Variants in LRRC61 observed in about 807,000 individuals in gnomAD.
LRRC61 encodes leucine rich repeat containing 61, also known as leucine-rich repeat-containing protein 61.
LRRC61 carries 9 observed loss-of-function variants against 15.1 expected under a neutral mutation model. The observed-to-expected ratio is 0.60, with a 90% CI of 0.36 to 1.04. The LOEUF (loss-of-function observed/expected upper bound fraction) is 1.04, where lower values mean the gene tolerates loss of function less well. LRRC61 is among the 50% of genes least tolerant of loss of function. The pLI, the probability that LRRC61 is intolerant of heterozygous loss-of-function variation, is 0.01. For missense variants in LRRC61, 344 were observed against 335.6 expected (o/e 1.03, Z -0.20); for synonymous variants, 173 against 158.6 (o/e 1.09, Z -0.68).
intron 2 of LRRC61, among the ~76,000 whole-genome samples, chr7:150,329,274 G>A (rs1424270053): frequency 1.3e-5 from 2 of 152,248 alleles, no homozygotes; most frequent in African/African-American, 4.8e-5. Flanking sequence ...AGTAAAGAGT[G>A]AGGGACCGAG....
At chr7:150,334,792 G>A (rs1798234112) in intron 2 of LRRC61, among the ~76,000 whole-genome samples, 1 of 152,152 alleles carries the variant, frequency 6.6e-6, no homozygotes, top group African/African-American at 2.4e-5. Flanking sequence ...CCGAGGCAGG[G>A]GGCATCACCT....
chr7:150,337,771 C>A lies in LRRC61; in HGVS notation c.*130C>A. ...TGCACACTGGGCTATTGCTTTATCCCTATCCTGAGAGCAGCCCCTCCCCAC... is the reference window on the plus strand; with the variant it reads ...TGCACACTGGGCTATTGCTTTATCCATATCCTGAGAGCAGCCCCTCCCCAC... On this transcript the variant is annotated 3_prime_UTR_variant, in exon 3 of 3. Coordinates refer to ENST00000359623, the MANE Select transcript of LRRC61 (RefSeq NM_001142928.2). 1.0e-6 allele frequency: 1 copy of A among 990,536 alleles called. No homozygotes were observed. Among genetic ancestry groups the A allele is most frequent in the Non-Finnish European group, 1.5e-6 (1 of 686,108 alleles). 61.4% of individuals were successfully genotyped at this position (990,536 alleles called of 1,614,324 possible). A position where few individuals can be genotyped will look rare whatever the true frequency, so the allele number is the denominator to read the frequency against.
At chr7:150,315,800 AACACAG>A in the LRRC61 span, among the ~76,000 whole-genome samples, 1 of 151,918 alleles carries the variant, frequency 6.6e-6, no homozygotes, top group African/African-American at 2.4e-5. Context: ...TTTTAATAAA[AACACAG>A]ACACAAACAC....
chr7:150,314,158 G>C, the LRRC61 span, among the ~76,000 whole-genome samples: 1 of 152,158 alleles, frequency 6.6e-6, no homozygotes, highest in African/African-American at 2.4e-5. Flanking sequence ...GTGTCTCCTA[G>C]GGTCAGTGGC....
intron 1 of LRRC61, 133 bp downstream of exon 1, chr7:150,323,693 G>A (rs1372862391): frequency 2.2e-6 from 1 of 456,304 alleles, no homozygotes; most frequent in Non-Finnish European, 4.4e-6. Context: ...AGAATCTTCC[G>A]GAACAGCCAG....
intron 2 of LRRC61, among the ~76,000 whole-genome samples, chr7:150,334,424 G>A (rs563911901): frequency 1.4e-5 from 2 of 139,166 alleles, no homozygotes; most frequent in East Asian, 5.0e-4. Flanking sequence ...TCTGCTGCTC[G>A]TGCATAGGAC....
the LRRC61 span, among the ~76,000 whole-genome samples, chr7:150,313,373 G>T: frequency 6.6e-6 from 1 of 152,198 alleles, no homozygotes; most frequent in Non-Finnish European, 1.5e-5. Flanking sequence ...TTGGCAATCG[G>T]TTGAAAGGGA....
At position 150,336,913 on chromosome 7, in the gene LRRC61, C is replaced by A. The variant is rs370704541; in HGVS notation, c.52C>A (p.Pro18Thr). 70 of 1,613,060 alleles carry A rather than the reference C, an allele frequency of 4.3e-5. No homozygotes were observed. The highest frequency in any genetic ancestry group is 5.5e-5 in the Non-Finnish European group (65 of 1,179,836). ...PGEAGGLQIT[P>T]QLLKSRTGEF... Reference sequence around the variant, plus strand: ...AGAGGCTGGCGGACTGCAGATCACACCCCAGCTGCTGAAGTCACGCACAGG... The same window carrying A: ...AGAGGCTGGCGGACTGCAGATCACAACCCAGCTGCTGAAGTCACGCACAGG... The change falls in exon 3 of 3, where the codon CCC becomes ACC. Residue 18 changes from proline to threonine, a missense_variant. Coordinates refer to ENST00000359623, the MANE Select transcript of LRRC61 (RefSeq NM_001142928.2).
At chr7:150,312,155 C>T in the LRRC61 span, among the ~76,000 whole-genome samples, 1 of 152,226 alleles carries the variant, frequency 6.6e-6, no homozygotes, top group Non-Finnish European at 1.5e-5. Context: ...TTCCAGCCCC[C>T]ACTCCAGAAG....
intron 1 of LRRC61, among the ~76,000 whole-genome samples, chr7:150,325,258 G>A (rs1031242048): frequency 3.3e-5 from 5 of 152,184 alleles, no homozygotes; most frequent in African/African-American, 1.2e-4. Context: ...CCGTCACCCC[G>A]GCCTGGCCCG....
At chr7:150,318,263 C>A (rs1797138227), upstream of LRRC61, among the ~76,000 whole-genome samples, 4 of 152,088 alleles carry the variant, frequency 2.6e-5, no homozygotes, top group Non-Finnish European at 5.9e-5. Context: ...TGCCAAAAGA[C>A]ACGAGGGATT....
rs573843742 is a variant in LRRC61 at position 150,330,434 on chromosome 7, G to T, written c.-145+4424G>T. ...TGGTCCGCGAGGCGAGTGCGGCACAGGCCTCTCTGAGCCAGGTGCTGCCCC... is the reference window on the plus strand; with the variant it reads ...TGGTCCGCGAGGCGAGTGCGGCACATGCCTCTCTGAGCCAGGTGCTGCCCC... On this transcript the variant is annotated intron_variant, in intron 2 of 2. Transcript: ENST00000359623. The surrounding 1 kb of genome is among the most constrained non-coding windows in gnomAD (Gnocchi z 4.6). 2.6e-6 allele frequency: 2 copies of T among 775,144 alleles called. No homozygotes were observed. The highest frequency in any genetic ancestry group is 2.7e-5 in the South Asian group (2 of 74,612). The allele number at this position is 775,144 out of a possible 1,614,324, so 48.0% of individuals were successfully genotyped here. A position where few individuals can be genotyped will look rare whatever the true frequency, so the allele number is the denominator to read the frequency against.
the LRRC61 span, among the ~76,000 whole-genome samples, chr7:150,310,040 C>G: frequency 2.0e-5 from 3 of 152,310 alleles, no homozygotes; most frequent in African/African-American, 7.2e-5. Context: ...TTCCCCCACT[C>G]TGGTGCCAAC....
upstream of LRRC61, among the ~76,000 whole-genome samples, chr7:150,321,812 C>G (rs1406119599): frequency 1.3e-5 from 2 of 152,116 alleles, no homozygotes; most frequent in Non-Finnish European, 2.9e-5. Flanking sequence ...GGGCAGGGGT[C>G]CCAGCTGTAG....
At chr7:150,314,179 G>A in the LRRC61 span, among the ~76,000 whole-genome samples, 2 of 152,224 alleles carry the variant, frequency 1.3e-5, no homozygotes, top group African/African-American at 4.8e-5. Flanking sequence ...AGCAGTGTTA[G>A]CTCCGTCACT....
the LRRC61 span, among the ~76,000 whole-genome samples, chr7:150,314,955 A>G: frequency 2.0e-5 from 3 of 147,892 alleles, no homozygotes; most frequent in Non-Finnish European, 4.5e-5. Flanking sequence ...CAGTTTCAAC[A>G]TAATAATAAA....
upstream of LRRC61, among the ~76,000 whole-genome samples, chr7:150,320,472 C>T (rs1043364955): frequency 5.3e-5 from 8 of 152,148 alleles, no homozygotes; most frequent in Admixed American, 5.2e-4. Flanking sequence ...TTAAGAATGC[C>T]TTTTTCCAGG....
At chr7:150,327,987 A>G (rs758452760) in intron 2 of LRRC61, among the ~76,000 whole-genome samples, 5 of 152,192 alleles carry the variant, frequency 3.3e-5, no homozygotes, top group East Asian at 1.9e-4. Flanking sequence ...ATCCATCCCA[A>G]TAAAGCAGTG....
rs1797953896 is a variant in LRRC61 at position 150,326,029 on chromosome 7, G to T, written c.-145+19G>T. ...GCCTAAGGTAAACAACACCTTGCAA[G>T]ACGGGTCTAAGCTCTTCAGTGTAAT... On this transcript the variant is annotated intron_variant, in intron 2 of 2. Coordinates refer to ENST00000359623, the MANE Select transcript of LRRC61 (RefSeq NM_001142928.2). 1 of 152,526 alleles carries T rather than the reference G, an allele frequency of 6.6e-6. No homozygotes were observed. The highest frequency in any genetic ancestry group is 2.4e-5 in the African/African-American group (1 of 41,468). 9.4% of individuals were successfully genotyped at this position (152,526 alleles called of 1,614,324 possible). A position where few individuals can be genotyped will look rare whatever the true frequency, so the allele number is the denominator to read the frequency against.
Sources: allele counts gnomAD v4.1 joint callset (sites outside exome capture counted in the v4.1 genomes callset), GRCh38; gene constraint gnomAD v4.1.1; non-coding constraint Gnocchi (gnomAD v3.1); transcripts MANE v1.5; gene names NCBI Gene and HGNC (gene_info 2026-07-23, HGNC 2026-07-21).